Variants in CENPW observed in about 807,000 individuals in gnomAD.
CENPW encodes centromere protein W, also known as cancer-up-regulated gene 2 protein.
Under a neutral mutation model 11.1 loss-of-function variants are expected in CENPW, and 3 were observed. The ratio of observed to expected loss-of-function variants is 0.27; its 90% CI spans 0.12 to 0.70. The LOEUF is 0.70. Ranked by LOEUF, CENPW falls within the 30% of genes least tolerant of loss-of-function variation. The pLI, the probability that CENPW is intolerant of heterozygous loss-of-function variation, is 0.77. For synonymous variants in CENPW, 38 were observed against 42.0 expected, an observed-to-expected ratio of 0.91 and a Z score of 0.37; for missense variants, 100 against 105.6, an observed-to-expected ratio of 0.95 and a Z score of 0.23.
chr6:126,383,397 T>C, the CENPW span, among the ~76,000 whole-genome samples: 6 of 152,150 alleles, frequency 3.9e-5, no homozygotes, highest in Admixed American at 2.6e-4. Context: ...ATTCACTTGA[T>C]GACAGGATCA....
chr6:126,414,704 T>A, the CENPW span, among the ~76,000 whole-genome samples: 1 of 151,764 alleles, frequency 6.6e-6, no homozygotes, highest in Non-Finnish European at 1.5e-5. Context: ...GACCGAATGA[T>A]GCATCTCAAG....
At chr6:126,481,127 C>G in the CENPW span, among the ~76,000 whole-genome samples, 1 of 151,910 alleles carries the variant, frequency 6.6e-6, no homozygotes, top group East Asian at 1.9e-4. Context: ...TACTATATTT[C>G]TTTCTTGTTT....
chr6:126,382,676 G>A, the CENPW span, among the ~76,000 whole-genome samples: 1 of 152,094 alleles, frequency 6.6e-6, no homozygotes, highest in African/African-American at 2.4e-5. Context: ...AATAGACCAA[G>A]CTGAGGAAAG....
chr6:126,351,987 T>C (rs1443671920), downstream of CENPW, among the ~76,000 whole-genome samples: 1 of 152,116 alleles, frequency 6.6e-6, no homozygotes, highest in Non-Finnish European at 1.5e-5. Flanking sequence ...GAAGATTTGT[T>C]AAAATAAAGA....
At chr6:126,378,554 T>C in the CENPW span, among the ~76,000 whole-genome samples, 3 of 152,006 alleles carry the variant, frequency 2.0e-5, no homozygotes, top group African/African-American at 7.2e-5. Flanking sequence ...CCCCAAATAA[T>C]GTAAAGCTGT....
At chr6:126,353,939 G>C in the CENPW span, among the ~76,000 whole-genome samples, 1 of 151,790 alleles carries the variant, frequency 6.6e-6, no homozygotes, top group Non-Finnish European at 1.5e-5. Flanking sequence ...GTTGATTAAA[G>C]ATTTTTATTA....
chr6:126,390,628 A>C, the CENPW span, among the ~76,000 whole-genome samples: 1 of 151,664 alleles, frequency 6.6e-6, no homozygotes, highest in Non-Finnish European at 1.5e-5. Flanking sequence ...CCCTTGCACC[A>C]CCCTTCCCAG....
intron 1 of CENPW, among the ~76,000 whole-genome samples, chr6:126,343,789 T>C (rs1483054390): frequency 6.6e-6 from 1 of 152,184 alleles, no homozygotes; most frequent in Non-Finnish European, 1.5e-5. Flanking sequence ...GCTGATTAGA[T>C]GGTGCCCACC....
At chr6:126,433,221 A>C in the CENPW span, among the ~76,000 whole-genome samples, 3 of 152,162 alleles carry the variant, frequency 2.0e-5, no homozygotes, top group African/African-American at 7.2e-5. Flanking sequence ...TTCTACTACA[A>C]ATAGTAGTTT....
chr6:126,381,870 C>G, the CENPW span, among the ~76,000 whole-genome samples: 1 of 152,124 alleles, frequency 6.6e-6, no homozygotes, highest in Non-Finnish European at 1.5e-5. Context: ...GCACACAGTT[C>G]AGAAGTCCTG....
chr6:126,371,333 CTATTGA>C, the CENPW span, among the ~76,000 whole-genome samples: 2 of 152,034 alleles, frequency 1.3e-5, no homozygotes, highest in Non-Finnish European at 2.9e-5. Context: ...TTTTCTGCGT[CTATTGA>C]TATAATAATA....
the CENPW span, among the ~76,000 whole-genome samples, chr6:126,369,726 G>A: frequency 1.3e-5 from 2 of 152,262 alleles, no homozygotes; most frequent in African/African-American, 4.8e-5. Flanking sequence ...CACTTTGTGT[G>A]TTGTCTGTTT....
At chr6:126,466,914 A>G in the CENPW span, among the ~76,000 whole-genome samples, 1 of 152,156 alleles carries the variant, frequency 6.6e-6, no homozygotes, top group African/African-American at 2.4e-5. Context: ...TAAAACACCT[A>G]GGAATAGGGG....
chr6:126,445,575 A>T, the CENPW span, among the ~76,000 whole-genome samples: 120 of 151,288 alleles, frequency 7.9e-4, no homozygotes, highest in African/African-American at 2.6e-3. Context: ...TGCCATTGTT[A>T]TATCCTACCA....
At chr6:126,397,901 A>C in the CENPW span, among the ~76,000 whole-genome samples, 1 of 152,130 alleles carries the variant, frequency 6.6e-6, no homozygotes, top group Admixed American at 6.5e-5. Flanking sequence ...GCTGCTCTTA[A>C]CCCTCTTTTT....
At chr6:126,343,738 T>C (rs892290313) in intron 1 of CENPW, among the ~76,000 whole-genome samples, 15 of 152,212 alleles carry the variant, frequency 9.9e-5, no homozygotes, top group Non-Finnish European at 1.8e-4. Context: ...AGTCAAGTAC[T>C]TTCACATTCT....
the CENPW span, among the ~76,000 whole-genome samples, chr6:126,459,454 T>A: frequency 6.6e-6 from 1 of 151,610 alleles, no homozygotes; most frequent in African/African-American, 2.4e-5. Context: ...AAAATAAGAT[T>A]AGAAAGTATC....
chr6:126,430,690 G>C, the CENPW span, among the ~76,000 whole-genome samples: 1 of 152,058 alleles, frequency 6.6e-6, no homozygotes, highest in Non-Finnish European at 1.5e-5. Context: ...CGGTGGCCAC[G>C]CCTGTAATCC....
At chr6:126,408,888 C>A in the CENPW span, among the ~76,000 whole-genome samples, 3 of 151,970 alleles carry the variant, frequency 2.0e-5, no homozygotes, top group South Asian at 6.2e-4. Flanking sequence ...TAAAGACTGT[C>A]AATGTCGTTT....
Sources: allele counts gnomAD v4.1 joint callset (sites outside exome capture counted in the v4.1 genomes callset), GRCh38; gene constraint gnomAD v4.1.1; transcripts MANE v1.5; gene names NCBI Gene and HGNC (gene_info 2026-07-23, HGNC 2026-07-21).